GSE1: variants seen among roughly 807,000 people sequenced by gnomAD.
The protein encoded by GSE1 is Gse1 coiled-coil protein.
Under a neutral mutation model 112.6 loss-of-function variants are expected in GSE1, and 32 were observed. The ratio of observed to expected loss-of-function variants is 0.28; its 90% CI spans 0.21 to 0.38. The LOEUF (loss-of-function observed/expected upper bound fraction) is 0.38, where lower values mean the gene tolerates loss of function less well. Among genes scored for constraint, GSE1 ranks in the 10% least tolerant of loss-of-function variants. The pLI is 1.00. For missense variants in GSE1, 2,348 were observed against 1,699.2 expected, an observed-to-expected ratio of 1.38 and a Z score of -6.71; for synonymous variants, 1,115 against 735.6, an observed-to-expected ratio of 1.52 and a Z score of -8.35.
chr16:85,434,572 C>T (rs1267136948), intron 2 of GSE1, among the ~76,000 whole-genome samples: 1 of 152,114 alleles, frequency 6.6e-6, no homozygotes, highest in Middle Eastern at 3.2e-3. Flanking sequence ...AATCCCAGCA[C>T]TTGGGGAGGC....
intron 2 of GSE1, among the ~76,000 whole-genome samples, chr16:85,637,504 T>G (rs2050101053): frequency 6.6e-6 from 1 of 151,652 alleles, no homozygotes; most frequent in Admixed American, 6.6e-5. Flanking sequence ...GAGTCCCCCC[T>G]TGATCGCGGC....
intron 1 of GSE1, among the ~76,000 whole-genome samples, chr16:85,244,512 G>A (rs773122334): frequency 6.6e-5 from 10 of 152,140 alleles, no homozygotes; most frequent in Non-Finnish European, 1.3e-4. Context: ...ACACTAAGTT[G>A]GTATCATTTG....
rs1454263338 is a variant in GSE1 at position 85,665,068 on chromosome 16, G to T, written c.2698G>T (p.Ala900Ser). The T allele has an allele frequency of 6.2e-7, 1 of 1,612,964 alleles. No homozygotes were observed. Among genetic ancestry groups the T allele is most frequent in the South Asian group, 1.1e-5 (1 of 91,066 alleles). ...LRAMKQKALS[A>S]AVADSLTNSP... ...TGCCATGAAGCAGAAGGCACTGTCA[G>T]CAGCAGTGGCCGACTCCTTGACAAA... The change falls in exon 12 of 16, where the codon GCA (alanine) becomes TCA (serine). Residue 900 changes from alanine (A) to serine (S), a missense_variant. Transcript: ENST00000253458.
At chr16:85,278,883 T>C (rs2044772257) in intron 1 of GSE1, 1 of 186,558 alleles carries the variant, frequency 5.4e-6, no homozygotes, top group Non-Finnish European at 1.2e-5. Flanking sequence ...TCCTAATTGC[T>C]GTAGAAATCT....
At chr16:85,613,465 A>G in intron 1 of GSE1, 67 bp downstream of exon 1, 1 of 1,403,832 alleles carries the variant, frequency 7.1e-7, no homozygotes, top group Non-Finnish European at 9.6e-7. Flanking sequence ...GTCCTCCTGC[A>G]AGTTCGCGGG....
At chr16:85,619,903 C>T (rs1176637993) in intron 1 of GSE1, among the ~76,000 whole-genome samples, 1 of 152,150 alleles carries the variant, frequency 6.6e-6, no homozygotes, top group Non-Finnish European at 1.5e-5. Context: ...CAGAAACCCA[C>T]ACCATGATTT....
At chr16:85,530,175 C>T (rs1025318596) in intron 2 of GSE1, among the ~76,000 whole-genome samples, 3 of 152,348 alleles carry the variant, frequency 2.0e-5, no homozygotes, top group Admixed American at 6.5e-5. Flanking sequence ...CAGCCGTCTG[C>T]CTTGGCTCCC....
rs148506044 is a variant in GSE1, at chr16:85,266,701, G to C, written c.2284-90762G>C. On this transcript the variant is annotated intron_variant, in intron 1 of 2. Transcript: ENST00000637419. ...GTTTGGGGCCTGCCAGAAAAGGTGA[G>C]GGCAGCATGAAGGAGGGGTGGCTGT... is the stretch of plus-strand genomic sequence containing the variant. Among the ~76,000 whole-genome samples, 801 of 152,052 alleles carry C rather than the reference G, an allele frequency of 5.3e-3. 5 individuals carry two copies. The highest frequency in any genetic ancestry group is 0.018 in the African/African-American group (762 of 41,452).
chr16:85,631,396 C>T (rs1567681855), intron 1 of GSE1, among the ~76,000 whole-genome samples: 3 of 152,368 alleles, frequency 2.0e-5, no homozygotes, highest in South Asian at 2.1e-4. Context: ...TTTGGGGTCA[C>T]GGGGTGGCCC....
chr16:85,211,263 G>C (rs1243664802), intron 1 of GSE1, among the ~76,000 whole-genome samples: 2 of 151,884 alleles, frequency 1.3e-5, no homozygotes, highest in East Asian at 3.9e-4. Flanking sequence ...AGCATGTGGG[G>C]TGCCAGGAGA....
intron 2 of GSE1, among the ~76,000 whole-genome samples, chr16:85,466,714 GGAGAGAGGGA>G (rs1567510078): frequency 1.2e-5 from 1 of 84,582 alleles, no homozygotes; most frequent in African/African-American, 8.2e-5. Context: ...AGAGAGAGAG[GGAGAGAGGGA>G]GAGAGAGGGA....
At chr16:85,481,876 T>C (rs756355758) in intron 2 of GSE1, among the ~76,000 whole-genome samples, 3 of 152,108 alleles carry the variant, frequency 2.0e-5, no homozygotes, top group Non-Finnish European at 4.4e-5. Context: ...GGCGCAGAGG[T>C]GGCAGAGCTG....
At chr16:85,207,020 A>T (rs1421676921) in intron 1 of GSE1, among the ~76,000 whole-genome samples, 4 of 152,096 alleles carry the variant, frequency 2.6e-5, no homozygotes, top group Non-Finnish European at 4.4e-5. Flanking sequence ...TGACATGTTT[A>T]TTCTCCAGGC....
intron 2 of GSE1, among the ~76,000 whole-genome samples, chr16:85,429,472 G>T (rs540741895): frequency 6.6e-6 from 1 of 152,336 alleles, no homozygotes; most frequent in Non-Finnish European, 1.5e-5. Context: ...GCTGTGACAA[G>T]TGCGAATCTG....
chr16:85,450,482 C>G (rs528577644), intron 2 of GSE1, among the ~76,000 whole-genome samples: 8 of 151,132 alleles, frequency 5.3e-5, no homozygotes, highest in East Asian at 2.0e-4. Context: ...CAGAGTCGCA[C>G]TCTGTCACTC....
At chr16:85,646,933 T>C (rs923773272) in intron 2 of GSE1, among the ~76,000 whole-genome samples, 5 of 151,952 alleles carry the variant, frequency 3.3e-5, no homozygotes, top group Admixed American at 6.5e-5. Flanking sequence ...TGGTGCCTGG[T>C]TGGGGACAGG....
chr16:85,462,682 G>C (rs2050002002), intron 2 of GSE1, among the ~76,000 whole-genome samples: 1 of 139,664 alleles, frequency 7.2e-6, no homozygotes, highest in Non-Finnish European at 1.6e-5. Context: ...GCGGGGGAGG[G>C]CGGCGGGGGC....
chr16:85,253,058 GCCCCCCCCCCACCCCCCC>G (rs1408020698), intron 1 of GSE1, among the ~76,000 whole-genome samples: 1 of 47,142 alleles, frequency 2.1e-5, no homozygotes, highest in African/African-American at 8.8e-5. Flanking sequence ...AGGCGCCCCC[GCCCCCCCCCCACCCCCCC>G]CCCCCCACCA....
chr16:85,272,508 T>C (rs879870734), intron 1 of GSE1, among the ~76,000 whole-genome samples: 4 of 152,172 alleles, frequency 2.6e-5, no homozygotes, highest in African/African-American at 9.7e-5. Flanking sequence ...GGTGGCATTC[T>C]CCTAAACCTT....
Sources: allele counts gnomAD v4.1 joint callset (sites outside exome capture counted in the v4.1 genomes callset), GRCh38; gene constraint gnomAD v4.1.1; transcripts MANE v1.5; gene names NCBI Gene and HGNC (gene_info 2026-07-23, HGNC 2026-07-21).